Variants in JARID2 observed in about 807,000 individuals in gnomAD.
JARID2 encodes jumonji and AT-rich interaction domain containing 2.
In JARID2, 21 loss-of-function variants were observed where a neutral mutation model predicts 125.6. The ratio of observed to expected loss-of-function variants is 0.17; its 90% confidence interval spans 0.12 to 0.24. The LOEUF (loss-of-function observed/expected upper bound fraction) is 0.24, where lower values mean the gene tolerates loss of function less well. Ranked by LOEUF, JARID2 falls within the 10% of genes least tolerant of loss-of-function variation. JARID2 has a pLI of 1.00. For synonymous variants in JARID2, 736 were observed against 661.6 expected (o/e 1.11, Z -1.73); for missense variants, 1,303 against 1,639.6 (o/e 0.79, Z 3.55).
intron 4 of JARID2, among the ~76,000 whole-genome samples, chr6:15,455,588 A>G (rs1017326340): frequency 6.6e-6 from 1 of 152,148 alleles, no homozygotes; most frequent in Non-Finnish European, 1.5e-5. Context: ...CTGGAGTGCA[A>G]CAGCGCGATC....
chr6:15,283,061 C>G (rs575608214), intron 1 of JARID2, among the ~76,000 whole-genome samples: 3 of 151,894 alleles, frequency 2.0e-5, no homozygotes, highest in Non-Finnish European at 4.4e-5. Context: ...TCACTGTAAG[C>G]TCTGCCTCCC....
At chr6:15,488,090 CCA>C (rs1415389163) in intron 6 of JARID2, among the ~76,000 whole-genome samples, 1 of 152,156 alleles carries the variant, frequency 6.6e-6, no homozygotes, top group Non-Finnish European at 1.5e-5. Context: ...GCTGTAGCAT[CCA>C]CAGAGTGTAG....
chr6:15,280,831 G>T (rs1175087056), intron 1 of JARID2, among the ~76,000 whole-genome samples: 1 of 152,070 alleles, frequency 6.6e-6, no homozygotes, highest in East Asian at 1.9e-4. Flanking sequence ...GTTTCACCAT[G>T]TTGGCCAGGC....
At chr6:15,428,939 CCAA>C (rs1340578739) in intron 3 of JARID2, among the ~76,000 whole-genome samples, 3 of 145,668 alleles carry the variant, frequency 2.1e-5, no homozygotes, top group East Asian at 2.0e-4. Context: ...AACCCCCCCC[CCAA>C]AAAAAAAAAA....
chr6:15,318,419 C>T (rs1561789508), intron 1 of JARID2, among the ~76,000 whole-genome samples: 1 of 152,152 alleles, frequency 6.6e-6, no homozygotes, highest in Admixed American at 6.5e-5. Context: ...TCTTTGTTTT[C>T]GTATACCTAG....
chr6:15,390,328 A>G (rs1764950469), intron 2 of JARID2, among the ~76,000 whole-genome samples: 1 of 152,002 alleles, frequency 6.6e-6, no homozygotes, highest in South Asian at 2.1e-4. Context: ...GAAGAACCCA[A>G]CAGTGCTTGT....
At chr6:15,510,141 C>T (rs1323863974) in intron 12 of JARID2, among the ~76,000 whole-genome samples, 3 of 152,048 alleles carry the variant, frequency 2.0e-5, no homozygotes, top group Admixed American at 6.5e-5. Context: ...GAGGGGCTGG[C>T]GGTGTTGCCC....
intron 1 of JARID2, among the ~76,000 whole-genome samples, chr6:15,310,819 G>A (rs1390009831): frequency 6.6e-6 from 1 of 152,174 alleles, no homozygotes; most frequent in African/African-American, 2.4e-5. Flanking sequence ...CTGCCAGGAT[G>A]ACTTGTAAAT....
intron 1 of JARID2, among the ~76,000 whole-genome samples, chr6:15,292,607 T>G (rs1023990183): frequency 3.9e-5 from 6 of 152,220 alleles, no homozygotes; most frequent in Non-Finnish European, 7.3e-5. Context: ...CTGTAACATT[T>G]AAATATTAAA....
In JARID2 at chr6:15,468,618, T is replaced by G. The variant is rs778875717; in HGVS notation, c.570T>G (p.Asp190Glu). 1 of 1,614,124 alleles carries G rather than the reference T, an allele frequency of 6.2e-7. No homozygotes were observed. The highest frequency in any genetic ancestry group is 1.7e-5 in the Admixed American group (1 of 60,018). Residue 190 changes from aspartate (D) to glutamate (E), a missense_variant, in exon 5 of 18, where the codon GAT becomes GAG. Physicochemically the swap from Asp to Glu is conservative, Grantham distance 45. This residue lies in a region of JARID2 where 651 missense variants were observed against 581.6 expected (regional missense o/e 1.12). Transcript: ENST00000341776. ...QDEEEVEEED[D>E]ETEDVKTATN... ...AGGAGGAAGTCGAGGAGGAAGATGATGAGACAGAAGACGTCAAAACAGCCA... is the reference window on the plus strand; with the variant it reads ...AGGAGGAAGTCGAGGAGGAAGATGAGGAGACAGAAGACGTCAAAACAGCCA...
chr6:15,387,916 A>G (rs1411009803), intron 2 of JARID2, among the ~76,000 whole-genome samples: 1 of 152,132 alleles, frequency 6.6e-6, no homozygotes, highest in Non-Finnish European at 1.5e-5. Context: ...ACAGTAATTC[A>G]TCTTATCTAC....
At chr6:15,251,492 C>T (rs2127294806) in intron 1 of JARID2, among the ~76,000 whole-genome samples, 1 of 152,342 alleles carries the variant, frequency 6.6e-6, no homozygotes, top group South Asian at 2.1e-4. Flanking sequence ...TCTACCCATC[C>T]TGCTTGCCCT....
intron 16 of JARID2, among the ~76,000 whole-genome samples, chr6:15,515,033 GCT>G (rs1304681774): frequency 1.5e-5 from 2 of 129,570 alleles, no homozygotes; most frequent in African/African-American, 5.2e-5. Flanking sequence ...AGCTTGGTGT[GCT>G]CTCTCTCTGT....
chr6:15,483,340 T>C (rs927312637), intron 5 of JARID2, among the ~76,000 whole-genome samples: 1 of 152,086 alleles, frequency 6.6e-6, no homozygotes, highest in Non-Finnish European at 1.5e-5. Context: ...TCAGTCATAC[T>C]CACTGTTTGT....
At chr6:15,507,449 G>T in intron 11 of JARID2, 33 bp downstream of exon 11, 2 of 1,594,310 alleles carry the variant, frequency 1.3e-6, no homozygotes, top group Non-Finnish European at 1.7e-6. Context: ...GCCTGTGGCA[G>T]CTGTGTCCAT....
chr6:15,312,856 C>CT (rs1360320018), intron 1 of JARID2, among the ~76,000 whole-genome samples: 1 of 152,174 alleles, frequency 6.6e-6, no homozygotes, highest in Non-Finnish European at 1.5e-5. Flanking sequence ...AACCTAGTAA[C>CT]TGAGAGATGA....
At chr6:15,396,276 G>A (rs1026274372) in intron 2 of JARID2, among the ~76,000 whole-genome samples, 4 of 152,164 alleles carry the variant, frequency 2.6e-5, no homozygotes, top group African/African-American at 9.7e-5. Flanking sequence ...AGCCCTGTAT[G>A]TTTACAGTGT....
At chr6:15,299,402 C>T (rs1322589624) in intron 1 of JARID2, among the ~76,000 whole-genome samples, 1 of 152,142 alleles carries the variant, frequency 6.6e-6, no homozygotes, top group Non-Finnish European at 1.5e-5. Flanking sequence ...GTCTTGCATA[C>T]TGAGGTGGTG....
rs575548111 is a variant in JARID2, at chr6:15,303,486, C to T, written c.45+56902C>T. Among the ~76,000 whole-genome samples, 4 of 152,382 alleles carry T rather than the reference C, an allele frequency of 2.6e-5. No homozygotes were observed. The South Asian group carries it at 8.3e-4, about 32-fold the overall frequency. Reference sequence around the variant, plus strand: ...AGCCACTTAACTCCTGGCCTTCCCTCTTTGGTGGGTGCTTTTTAAGCCTTA... The same window carrying T: ...AGCCACTTAACTCCTGGCCTTCCCTTTTTGGTGGGTGCTTTTTAAGCCTTA... On this transcript the variant is annotated intron_variant, in intron 1 of 17. Transcript: ENST00000341776.
Sources: allele counts gnomAD v4.1 joint callset (sites outside exome capture counted in the v4.1 genomes callset), GRCh38; gene constraint gnomAD v4.1.1; regional missense constraint gnomAD v4.1.1; transcripts MANE v1.5; gene names NCBI Gene and HGNC (gene_info 2026-07-23, HGNC 2026-07-21).